RAB6A: variants seen among roughly 807,000 people sequenced by gnomAD.
RAB6A encodes the protein RAB6A, member RAS oncogene family, also known as ras-related protein Rab-6A.
Under a neutral mutation model 32.3 loss-of-function variants are expected in RAB6A, and 8 were observed. That is an observed-to-expected ratio of 0.25 (90% CI 0.15 to 0.45). RAB6A has a LOEUF of 0.45. RAB6A is among the 20% of genes least tolerant of loss of function. RAB6A has a pLI of 1.00. For missense variants in RAB6A, 104 were observed against 249.4 expected (o/e 0.42, Z 3.93); for synonymous variants, 73 against 82.1 (o/e 0.89, Z 0.60).
At chr11:73,736,977 C>CAAAAAAAAAAAAA (rs535172648) in intron 1 of RAB6A, among the ~76,000 whole-genome samples, 1 of 64,944 alleles carries the variant, frequency 1.5e-5, no homozygotes, top group Non-Finnish European at 2.9e-5. Flanking sequence ...GACACTGTCT[C>CAAAAAAAAAAAAA]AAAAAAAAAA....
rs1360386956 is a variant in RAB6A, at chr11:73,677,765, G to A, written c.*133C>T. 6.5e-7 allele frequency: 1 copy of A among 1,530,488 alleles called. No individual in the cohort carries two copies. The highest frequency in any genetic ancestry group is 1.4e-5 in the African/African-American group (1 of 72,558). 94.8% of individuals were successfully genotyped at this position (1,530,488 alleles called of 1,614,324 possible). A position where few individuals can be genotyped will look rare whatever the true frequency, so the allele number is the denominator to read the frequency against. ...CTAATAGATCATCTCCACGAGACAG[G>A]CAGCAATGATGAATTGCAATACGTT... On this transcript the variant is annotated 3_prime_UTR_variant, in exon 8 of 8. Coordinates refer to ENST00000336083, the MANE Select transcript of RAB6A (RefSeq NM_198896.2).
intron 2 of RAB6A, among the ~76,000 whole-genome samples, chr11:73,728,390 T>A (rs561967663): frequency 6.6e-6 from 1 of 152,282 alleles, no homozygotes; most frequent in Admixed American, 6.5e-5. Flanking sequence ...ATGCTTTTTA[T>A]GTGTACATTC....
chr11:73,710,975 G>A (rs1945949613), intron 5 of RAB6A, among the ~76,000 whole-genome samples: 1 of 151,878 alleles, frequency 6.6e-6, no homozygotes, highest in African/African-American at 2.4e-5. Flanking sequence ...GGCTATACAG[G>A]TCCCAGTCCC....
At chr11:73,743,304 C>CAAA (rs56400918) in intron 1 of RAB6A, among the ~76,000 whole-genome samples, 11,929 of 102,964 alleles carry the variant, frequency 0.12, 626 homozygotes, top group South Asian at 0.29. Context: ...AACTCTGTCT[C>CAAA]AAAAAAAAAA....
chr11:73,696,534 A>G (rs2134895764), intron 6 of RAB6A, among the ~76,000 whole-genome samples: 2 of 152,180 alleles, frequency 1.3e-5, no homozygotes, highest in East Asian at 3.9e-4. Flanking sequence ...TAATTTTGGT[A>G]GTATTTCTTA....
chr11:73,714,235 C>CAG (rs1946017706), intron 5 of RAB6A, among the ~76,000 whole-genome samples: 1 of 129,034 alleles, frequency 7.7e-6, no homozygotes, highest in East Asian at 2.2e-4. Context: ...TATATACACA[C>CAG]ATATAATTTG....
At chr11:73,744,993 AG>A (rs1946564957) in intron 1 of RAB6A, among the ~76,000 whole-genome samples, 1 of 151,530 alleles carries the variant, frequency 6.6e-6, no homozygotes, top group Non-Finnish European at 1.5e-5. Context: ...AAAAAAAAAA[AG>A]AGTAAAGAGT....
intron 2 of RAB6A, among the ~76,000 whole-genome samples, chr11:73,722,881 A>G (rs945125190): frequency 6.6e-6 from 1 of 152,062 alleles, no homozygotes; most frequent in Non-Finnish European, 1.5e-5. Context: ...ATCTCGGCTC[A>G]CCGCAATTTC....
intron 2 of RAB6A, among the ~76,000 whole-genome samples, chr11:73,727,228 C>T (rs913511812): frequency 6.6e-6 from 1 of 151,836 alleles, no homozygotes; most frequent in East Asian, 1.9e-4. Flanking sequence ...GAGTACAAGA[C>T]TTAGGCAAGA....
At chr11:73,734,768 A>G in intron 1 of RAB6A, among the ~76,000 whole-genome samples, 1 of 152,178 alleles carries the variant, frequency 6.6e-6, no homozygotes. Flanking sequence ...CCTGGTTCCT[A>G]ACAGGAGTAA....
At chr11:73,757,117 ATATATATATATATTTTTT>A (rs1946765808) in intron 1 of RAB6A, among the ~76,000 whole-genome samples, 3 of 42,316 alleles carry the variant, frequency 7.1e-5, no homozygotes, top group African/African-American at 2.3e-4. Flanking sequence ...ATATATATAT[ATATATATATATATTTTTT>A]TTTTTTTTTT....
intron 4 of RAB6A, among the ~76,000 whole-genome samples, chr11:73,718,181 G>T (rs551137550): frequency 9.8e-4 from 149 of 152,262 alleles, no homozygotes; most frequent in African/African-American, 3.4e-3. Flanking sequence ...TGGCTGGAAG[G>T]GGAAAGCAGA....
chr11:73,748,273 G>A lies in RAB6A; in HGVS notation c.70+12293C>T, dbSNP rs189202685. ...ATCCTGAAATATTAAGCTCAAAAAC[G>A]TGTAAAGGAATGAACAGTATCCCAA... On this transcript the variant is annotated intron_variant, in intron 1 of 7. Coordinates refer to ENST00000336083, the MANE Select transcript of RAB6A (RefSeq NM_198896.2). Among the ~76,000 whole-genome samples, 33 of 152,218 alleles carry A rather than the reference G, an allele frequency of 2.2e-4. No homozygotes were observed. In the East Asian group the frequency reaches 5.6e-3, roughly 26 times the overall value.
intron 1 of RAB6A, among the ~76,000 whole-genome samples, chr11:73,754,057 G>A (rs1374123080): frequency 6.6e-6 from 1 of 152,086 alleles, no homozygotes; most frequent in Non-Finnish European, 1.5e-5. Context: ...CTCTATGATA[G>A]GTCTATTATC....
chr11:73,690,793 A>G (rs554993217), intron 6 of RAB6A, among the ~76,000 whole-genome samples: 9 of 150,800 alleles, frequency 6.0e-5, no homozygotes, highest in African/African-American at 1.9e-4. Flanking sequence ...GGGTCCGGGT[A>G]TGGGGGACAG....
intron 3 of RAB6A, among the ~76,000 whole-genome samples, chr11:73,719,875 C>T (rs901486787): frequency 6.6e-6 from 1 of 151,912 alleles, no homozygotes; most frequent in Non-Finnish European, 1.5e-5. Flanking sequence ...CCTGGCCTCC[C>T]AAAGTGCTGG....
In RAB6A at chr11:73,679,637, T is replaced by G; in HGVS notation, c.562+17A>C. The G allele has an allele frequency of 6.2e-7, 1 of 1,613,594 alleles. No individual in the cohort carries two copies. The highest frequency in any genetic ancestry group is 8.5e-7 in the Non-Finnish European group (1 of 1,179,588). On this transcript the variant is annotated intron_variant, in intron 7 of 7. Transcript: ENST00000336083. ...AGTGTTAATAATGAAAAATTTCCAA[T>G]GAAATAAAAAGGATACTATCTTCTC...
At chr11:73,724,766 G>C (rs1169441894) in intron 2 of RAB6A, among the ~76,000 whole-genome samples, 1 of 152,196 alleles carries the variant, frequency 6.6e-6, no homozygotes, top group African/African-American at 2.4e-5. Context: ...GATTACAGGC[G>C]TGAGCCACTG....
intron 6 of RAB6A, among the ~76,000 whole-genome samples, chr11:73,699,619 G>T (rs1565352363): frequency 1.3e-5 from 2 of 152,092 alleles, no homozygotes; most frequent in Non-Finnish European, 2.9e-5. Flanking sequence ...CATTTGCTAG[G>T]AATTTATCAT....
Sources: allele counts gnomAD v4.1 joint callset (sites outside exome capture counted in the v4.1 genomes callset), GRCh38; gene constraint gnomAD v4.1.1; transcripts MANE v1.5; gene names NCBI Gene and HGNC (gene_info 2026-07-23, HGNC 2026-07-21).